CFAP61: variants seen among roughly 807,000 people sequenced by gnomAD.
The protein encoded by CFAP61 is cilia- and flagella-associated protein 61.
Under a neutral mutation model 135.6 loss-of-function variants are expected in CFAP61, and 107 were observed. The ratio of observed to expected loss-of-function variants is 0.79; its 90% CI spans 0.67 to 0.93. The LOEUF is 0.93. Ranked by LOEUF, CFAP61 falls within the 40% of genes least tolerant of loss-of-function variation. The pLI, the probability that CFAP61 is intolerant of heterozygous loss-of-function variation, is 0.00. For synonymous variants in CFAP61, 575 were observed against 578.5 expected (o/e 0.99, Z 0.09); for missense variants, 1,507 against 1,556.2 (o/e 0.97, Z 0.53).
At chr20:20,235,914 AT>A (rs2049553259) in intron 18 of CFAP61, among the ~76,000 whole-genome samples, 1 of 152,202 alleles carries the variant, frequency 6.6e-6, no homozygotes, top group South Asian at 2.1e-4. Context: ...AGGCAAAGCC[AT>A]CTATGCAGCA....
intron 21 of CFAP61, chr20:20,265,665 C>A: frequency 1.7e-6 from 1 of 601,696 alleles, no homozygotes; most frequent in Non-Finnish European, 3.0e-6. Context: ...CTCCCCCAGG[C>A]ACCTCTCAGG....
intron 8 of CFAP61, among the ~76,000 whole-genome samples, chr20:20,118,402 A>G (rs1161552724): frequency 6.9e-6 from 1 of 145,234 alleles, no homozygotes. Flanking sequence ...GTGCAATGGC[A>G]TGGTCTCGGT....
chr20:20,072,083 C>G (rs753024948), intron 3 of CFAP61, among the ~76,000 whole-genome samples: 2 of 110,478 alleles, frequency 1.8e-5, no homozygotes, highest in Non-Finnish European at 3.7e-5. Flanking sequence ...GGTATCTAAT[C>G]TAGCAATCTT....
At chr20:20,099,049 T>A (rs2047809768) in intron 8 of CFAP61, among the ~76,000 whole-genome samples, 1 of 151,926 alleles carries the variant, frequency 6.6e-6, no homozygotes, top group South Asian at 2.1e-4. Flanking sequence ...GCTCCCACAT[T>A]CAGGATGCTC....
At chr20:20,160,197 G>A (rs2053281079) in intron 10 of CFAP61, among the ~76,000 whole-genome samples, 1 of 152,220 alleles carries the variant, frequency 6.6e-6, no homozygotes, top group Admixed American at 6.5e-5. Flanking sequence ...GATGAGCATA[G>A]TCCTGGAATT....
intron 26 of CFAP61, among the ~76,000 whole-genome samples, chr20:20,342,128 G>T (rs191667167): frequency 1.5e-3 from 223 of 152,258 alleles, no homozygotes; most frequent in Non-Finnish European, 2.6e-3. Context: ...TTTTATAGGG[G>T]GCAAATTTCT....
At chr20:20,176,455 A>G (rs561882506) in intron 13 of CFAP61, among the ~76,000 whole-genome samples, 4 of 152,258 alleles carry the variant, frequency 2.6e-5, no homozygotes, top group Non-Finnish European at 5.9e-5. Flanking sequence ...CCAAATGCCC[A>G]TCACTGATAG....
chr20:20,228,126 A>T, intron 17 of CFAP61, 123 bp from the exon 18 acceptor site: 1 of 690,990 alleles, frequency 1.4e-6, no homozygotes, highest in Non-Finnish European at 2.3e-6. Context: ...GTACATGGGC[A>T]CTATTAGGTT....
chr20:20,205,507 A>C (rs533050709), intron 17 of CFAP61, among the ~76,000 whole-genome samples: 1 of 152,352 alleles, frequency 6.6e-6, no homozygotes, highest in South Asian at 2.1e-4. Flanking sequence ...CAAACTACAG[A>C]AAAGGAATAT....
intron 9 of CFAP61, among the ~76,000 whole-genome samples, chr20:20,153,436 C>T (rs952498207): frequency 1.3e-5 from 2 of 151,968 alleles, no homozygotes; most frequent in African/African-American, 4.8e-5. Flanking sequence ...AAAGCTGGTT[C>T]TTTGAAAAGA....
At chr20:20,209,924 T>A (rs927771388) in intron 17 of CFAP61, among the ~76,000 whole-genome samples, 2 of 152,088 alleles carry the variant, frequency 1.3e-5, no homozygotes, top group Admixed American at 1.3e-4. Context: ...TGTCCTGGCA[T>A]CCAGGCCCCC....
At chr20:20,060,272 C>T (rs1282519538) in intron 2 of CFAP61, among the ~76,000 whole-genome samples, 1 of 152,082 alleles carries the variant, frequency 6.6e-6, no homozygotes, top group East Asian at 1.9e-4. Context: ...AATGCATTTT[C>T]TGACAAACAA....
chr20:20,357,159 G>A, intron 26 of CFAP61, among the ~76,000 whole-genome samples: 1 of 118,790 alleles, frequency 8.4e-6, no homozygotes, highest in Non-Finnish European at 1.9e-5. Context: ...CACACTGAGG[G>A]GAGGTGGTCA....
chr20:20,200,911 G>A, intron 17 of CFAP61: 2 of 985,282 alleles, frequency 2.0e-6, no homozygotes, highest in Non-Finnish European at 2.4e-6. Flanking sequence ...GGGATGGGGA[G>A]GGCACCTCCA....
chr20:20,323,625 A>G (rs1288173826), intron 25 of CFAP61, among the ~76,000 whole-genome samples: 2 of 152,232 alleles, frequency 1.3e-5, no homozygotes, highest in African/African-American at 4.8e-5. Flanking sequence ...AGAGGCACCT[A>G]GAAAGAAGCC....
intron 13 of CFAP61, among the ~76,000 whole-genome samples, chr20:20,176,673 A>ATG (rs2054652030): frequency 6.6e-6 from 1 of 152,104 alleles, no homozygotes; most frequent in African/African-American, 2.4e-5. Context: ...ACATGAACAC[A>ATG]TGCGGGGGCC....
intron 17 of CFAP61, among the ~76,000 whole-genome samples, chr20:20,220,444 G>A (rs1405112323): frequency 6.6e-6 from 1 of 152,132 alleles, no homozygotes; most frequent in Non-Finnish European, 1.5e-5. Context: ...ACCTAAGCAG[G>A]GGTCATGGGA....
At chr20:20,181,472 C>G (rs996908947) in intron 13 of CFAP61, among the ~76,000 whole-genome samples, 2 of 151,898 alleles carry the variant, frequency 1.3e-5, no homozygotes, top group Non-Finnish European at 2.9e-5. Flanking sequence ...AGAAGCAAAC[C>G]TCTTGTGAAG....
intron 13 of CFAP61, among the ~76,000 whole-genome samples, chr20:20,171,458 C>G (rs981155654): frequency 1.3e-5 from 2 of 152,188 alleles, no homozygotes; most frequent in African/African-American, 2.4e-5. Context: ...CTTTATTCCA[C>G]TAACCTGTAA....
Sources: gnomAD v4.1 joint callset for allele counts (sites outside exome capture counted in the v4.1 genomes callset) on GRCh38, gnomAD v4.1.1 for gene constraint, MANE v1.5 for transcripts, NCBI Gene and HGNC (gene_info 2026-07-23, HGNC 2026-07-21) for gene names.